SH3TC1: variants seen among roughly 807,000 people sequenced by gnomAD.
SH3TC1 encodes SH3 domain and tetratricopeptide repeats 1, also known as SH3 domain and tetratricopeptide repeat-containing protein 1.
SH3TC1 carries 135 observed loss-of-function variants against 117.3 expected under a neutral mutation model. The observed-to-expected ratio is 1.15, with a 90% CI of 1.00 to 1.33. The LOEUF (loss-of-function observed/expected upper bound fraction) is 1.33, where lower values mean the gene tolerates loss of function less well. Among genes scored for constraint, SH3TC1 ranks in the 40% most tolerant of loss-of-function variants. SH3TC1 has a pLI of 0.00. For missense variants in SH3TC1, 2,092 were observed against 1,794.3 expected, an observed-to-expected ratio of 1.17 and a Z score of -3.00; for synonymous variants, 898 against 816.9, an observed-to-expected ratio of 1.10 and a Z score of -1.69.
intron 1 of SH3TC1, among the ~76,000 whole-genome samples, chr4:8,199,864 A>G (rs1055098626): frequency 2.0e-5 from 3 of 152,184 alleles, no homozygotes; most frequent in African/African-American, 4.8e-5. Flanking sequence ...CGCAGTGGCT[A>G]TAACTGGCCA....
intron 4 of SH3TC1, among the ~76,000 whole-genome samples, 162 bp from the exon 5 acceptor site, chr4:8,214,313 C>A (rs1719021118): frequency 6.6e-6 from 1 of 152,158 alleles, no homozygotes. Context: ...GGCTTGAGAG[C>A]AGGGGAGGAG....
At chr4:8,215,190 G>C in intron 5 of SH3TC1, 2 of 456,268 alleles carry the variant, frequency 4.4e-6, no homozygotes, top group Non-Finnish European at 8.8e-6. Context: ...GGAAGCTGCC[G>C]TCCAGTGGCC....
chr4:8,232,419 C>T lies in SH3TC1; in HGVS notation c.3131+263C>T, dbSNP rs752473847. 5.1e-6 allele frequency: 8 copies of T among 1,558,410 alleles called. No individual in the cohort carries two copies. The African/African-American group carries it at 1.1e-4, about 21-fold the overall frequency. On this transcript the variant is annotated intron_variant, in intron 13 of 17. Transcript: ENST00000245105. ...ACACCTCCCCAAAGGTCATCTCAAC[C>T]CCAGCAGAAGCAGTTACATGCATTC...
chr4:8,226,024 A>G (rs1045923614), intron 11 of SH3TC1, among the ~76,000 whole-genome samples: 5 of 152,130 alleles, frequency 3.3e-5, no homozygotes, highest in Non-Finnish European at 7.4e-5. Flanking sequence ...TAGTGTAGTC[A>G]AGTCACATTT....
intron 12 of SH3TC1, chr4:8,231,661 TG>T (rs1721226708): frequency 2.6e-6 from 1 of 380,774 alleles, no homozygotes; most frequent in South Asian, 5.0e-5. Context: ...CTTGTGTCCC[TG>T]GCCTCGTCAG....
chr4:8,238,679 G>A (rs1226477128), intron 17 of SH3TC1, among the ~76,000 whole-genome samples: 5 of 152,166 alleles, frequency 3.3e-5, no homozygotes, highest in African/African-American at 4.8e-5. Flanking sequence ...CCAGCCAGAC[G>A]GGGAAGTGCC....
rs150325703 is a variant in SH3TC1, at chr4:8,187,820, G to C, written c.-57+5610G>C. On this transcript the variant is annotated intron_variant, in intron 1 of 16. Transcript: ENST00000508641. ...TTGTCTCCGCCTCCCAAAGTGCTGGGATTACAGGCGTGAGCCACCGCATCC... is the reference window on the plus strand; with the variant it reads ...TTGTCTCCGCCTCCCAAAGTGCTGGCATTACAGGCGTGAGCCACCGCATCC... Among the ~76,000 whole-genome samples, 30 of 152,276 alleles carry C rather than the reference G, an allele frequency of 2.0e-4. No homozygotes were observed. The East Asian group carries it at 5.8e-3, about 29-fold the overall frequency.
chr4:8,212,767 C>A lies in SH3TC1; in HGVS notation c.314C>A (p.Thr105Asn), dbSNP rs1370264863. The change falls in exon 4 of 18, where the codon ACC (threonine) becomes AAC (asparagine). Residue 105 changes from threonine to asparagine, a missense_variant. Physicochemically the swap from Thr to Asn is moderately conservative, Grantham distance 65. Coordinates refer to ENST00000245105, the MANE Select transcript of SH3TC1 (RefSeq NM_018986.5). ...SRLRDPGLQQ[T>N]LRGQLRLLEN... ...CTGCGGGACCCCGGCCTACAGCAGA[C>A]CCTCCGGGGCCAGCTCCGCCTGCTG... 5 of 1,611,868 alleles carry A rather than the reference C, an allele frequency of 3.1e-6. 1 individual carries two copies. The highest frequency in any genetic ancestry group is 1.7e-4 in the Middle Eastern group (1 of 6,012).
chr4:8,216,840 G>C (rs913902160), intron 6 of SH3TC1, 117 bp from the exon 7 acceptor site: 4 of 1,022,870 alleles, frequency 3.9e-6, no homozygotes, highest in African/African-American at 1.6e-5. Flanking sequence ...TGCAGACACT[G>C]GGGGGGCCGC....
chr4:8,240,938 C>A lies in SH3TC1; in HGVS notation c.3994C>A (p.Pro1332Thr). Residue 1332 changes from proline to threonine, a missense_variant, in exon 18 of 18, where the codon CCC becomes ACC. By Grantham distance (38) the Pro-to-Thr change is conservative (BLOSUM62 -1). Transcript: ENST00000245105. ...CTGCGGGTGGGCCCCCTGGTTGGCC[C>A]CCAGCCACCCTCGCTGAGGACAGCA... ...PLCGWAPWLA[P>T]SHPR 1 of 1,610,998 alleles carries A rather than the reference C, an allele frequency of 6.2e-7. No individual in the cohort carries two copies. The highest frequency in any genetic ancestry group is 8.5e-7 in the Non-Finnish European group (1 of 1,179,974).
rs2152982538 is a variant in SH3TC1, at chr4:8,210,850, G to C, written c.247+1028G>C. Among the ~76,000 whole-genome samples, 1 of 150,242 alleles carries C rather than the reference G, an allele frequency of 6.7e-6. No individual in the cohort carries two copies. The highest frequency in any genetic ancestry group is 3.5e-3 in the Middle Eastern group (1 of 288). ...TTGGGGGAGTGGATTCCAGATTCCA[G>C]AAGTCTCCAGGTTGGCCCGGTTGGC... On this transcript the variant is annotated intron_variant, in intron 3 of 17. Transcript: ENST00000245105. The surrounding 1 kb of genome is among the most constrained non-coding windows in gnomAD (Gnocchi z 4.1).
Position 8,186,834 on chromosome 4 carries a change from C to A in SH3TC1, c.-57+4624C>A, listed in dbSNP as rs2152973940. ...TGGCGGGCACCTGTAATCCCAGCTA[C>A]TCGGGAGGCTGAGGTGGGAGAATCG... On this transcript the variant is annotated intron_variant, in intron 1 of 16. Coordinates refer to the SH3TC1 transcript ENST00000508641. This position sits in a 1 kb window ranked among gnomAD's most constrained non-coding sequence, Gnocchi z 5.2. Among the ~76,000 whole-genome samples, 1 of 151,792 alleles carries A rather than the reference C, an allele frequency of 6.6e-6. No homozygotes were observed. The highest frequency in any genetic ancestry group is 1.9e-4 in the East Asian group (1 of 5,140).
intron 1 of SH3TC1, among the ~76,000 whole-genome samples, chr4:8,188,730 T>C (rs192212582): frequency 6.6e-6 from 1 of 152,320 alleles, no homozygotes; most frequent in East Asian, 1.9e-4. Context: ...ACCAAAGTGG[T>C]GGGCCACGCC....
chr4:8,233,303 G>A, intron 13 of SH3TC1, 60 bp from the exon 14 acceptor site: 1 of 1,543,608 alleles, frequency 6.5e-7, no homozygotes, highest in Middle Eastern at 1.8e-4. Flanking sequence ...CCCACGGGAG[G>A]AGGCAGACTG....
In SH3TC1 at chr4:8,228,572, G is replaced by T; in HGVS notation, c.2878G>T (p.Gly960Cys). Residue 960 changes from glycine (G) to cysteine (C), a missense_variant, in exon 12 of 18, where the codon GGC becomes TGC. Physicochemically the swap from Gly to Cys is radical, Grantham distance 159. Coordinates refer to ENST00000245105, the MANE Select transcript of SH3TC1 (RefSeq NM_018986.5). Reference sequence around the variant, plus strand: ...GCTGGGCCATCTCTGCACCCGCCAGGGCCCGGCCCAGCAGGGCAAGGGCTA... The same window carrying T: ...GCTGGGCCATCTCTGCACCCGCCAGTGCCCGGCCCAGCAGGGCAAGGGCTA... ...LQLGHLCTRQ[G>C]PAQQGKGYYE... 6.3e-7 allele frequency: 1 copy of T among 1,597,854 alleles called. No homozygotes were observed. Among genetic ancestry groups the T allele is most frequent in the Non-Finnish European group, 8.5e-7 (1 of 1,173,248 alleles).
upstream of SH3TC1, among the ~76,000 whole-genome samples, chr4:8,195,632 C>A (rs781229499): frequency 1.3e-5 from 2 of 152,162 alleles, no homozygotes; most frequent in Non-Finnish European, 2.9e-5. Context: ...GTCTCCAGAC[C>A]CGTGTGTGGA....
At chr4:8,238,747 G>A (rs1304953507) in intron 17 of SH3TC1, among the ~76,000 whole-genome samples, 1 of 152,192 alleles carries the variant, frequency 6.6e-6, no homozygotes, top group Non-Finnish European at 1.5e-5. Context: ...GGGACCCAGG[G>A]GACGGGCCTT....
chr4:8,182,726 C>T (rs1717112307), intron 1 of SH3TC1, among the ~76,000 whole-genome samples: 1 of 152,206 alleles, frequency 6.6e-6, no homozygotes, highest in African/African-American at 2.4e-5. Context: ...CAGTGCAATG[C>T]TGGTGACCCT....
At chr4:8,232,725 C>T (rs927861858) in intron 13 of SH3TC1, 19 of 1,289,916 alleles carry the variant, frequency 1.5e-5, no homozygotes, top group Admixed American at 2.3e-5. Flanking sequence ...GACATTGCTG[C>T]ACTCACACCC....
Sources: gnomAD v4.1 joint callset for allele counts (sites outside exome capture counted in the v4.1 genomes callset) on GRCh38, gnomAD v4.1.1 for gene constraint, Gnocchi (gnomAD v3.1) non-coding constraint, MANE v1.5 for transcripts, NCBI Gene and HGNC (gene_info 2026-07-23, HGNC 2026-07-21) for gene names.